PARD3: variants seen among roughly 807,000 people sequenced by gnomAD.
The protein encoded by PARD3 is partitioning defective 3 homolog.
PARD3 carries 75 observed loss-of-function variants against 155.4 expected under a neutral mutation model. The observed-to-expected ratio is 0.48, with a 90% CI of 0.40 to 0.58. The LOEUF (loss-of-function observed/expected upper bound fraction) is 0.58. PARD3 is among the 20% of genes least tolerant of loss of function. The pLI, the probability that PARD3 is intolerant of heterozygous loss-of-function variation, is 0.00. For synonymous variants in PARD3, 576 were observed against 610.5 expected, an observed-to-expected ratio of 0.94 and a Z score of 0.83; for missense variants, 1,642 against 1,721.7, an observed-to-expected ratio of 0.95 and a Z score of 0.82.
intron 2 of PARD3, among the ~76,000 whole-genome samples, chr10:34,608,953 C>T (rs770766002): frequency 1.3e-5 from 2 of 152,114 alleles, no homozygotes; most frequent in African/African-American, 2.4e-5. Context: ...ATAGGTGATA[C>T]GCAAATACTG....
chr10:34,484,256 G>T (rs970064422), intron 3 of PARD3, among the ~76,000 whole-genome samples: 2 of 152,198 alleles, frequency 1.3e-5, no homozygotes, highest in African/African-American at 4.8e-5. Flanking sequence ...GAGCACAAAG[G>T]TGCCCCGAGT....
intron 3 of PARD3, among the ~76,000 whole-genome samples, chr10:34,479,335 G>GT (rs1705678407): frequency 1.3e-5 from 2 of 151,684 alleles, no homozygotes; most frequent in Non-Finnish European, 2.9e-5. Flanking sequence ...CTAATTTTTT[G>GT]TATTTTTAGT....
chr10:34,228,921 A>G (rs558159535), intron 22 of PARD3, among the ~76,000 whole-genome samples: 1 of 152,076 alleles, frequency 6.6e-6, no homozygotes, highest in African/African-American at 2.4e-5. Context: ...TTATTCCTGT[A>G]GTCACCACAC....
chr10:34,181,532 C>T (rs1321574667), intron 22 of PARD3, among the ~76,000 whole-genome samples: 1 of 152,162 alleles, frequency 6.6e-6, no homozygotes, highest in African/African-American at 2.4e-5. Context: ...TTTCAAAAGG[C>T]AGATACAACC....
At chr10:34,503,483 T>G (rs1341403439) in intron 3 of PARD3, among the ~76,000 whole-genome samples, 4 of 152,206 alleles carry the variant, frequency 2.6e-5, no homozygotes, top group Admixed American at 6.5e-5. Context: ...CTATAATCCT[T>G]CCATATATAA....
intron 19 of PARD3, among the ~76,000 whole-genome samples, chr10:34,328,444 C>T (rs1835273844): frequency 6.6e-6 from 1 of 152,174 alleles, no homozygotes; most frequent in African/African-American, 2.4e-5. Flanking sequence ...TCTAAACCAT[C>T]TAAGCCAGAA....
intron 22 of PARD3, among the ~76,000 whole-genome samples, chr10:34,149,669 C>T (rs1759403119): frequency 6.6e-6 from 1 of 152,130 alleles, no homozygotes; most frequent in African/African-American, 2.4e-5. Flanking sequence ...TAAGAAAATT[C>T]ATGAATCTCA....
intron 22 of PARD3, among the ~76,000 whole-genome samples, chr10:34,180,537 A>G (rs1411298029): frequency 6.6e-6 from 1 of 152,182 alleles, no homozygotes; most frequent in South Asian, 2.1e-4. Flanking sequence ...ATAACTTGAG[A>G]AGAACATAAA....
At chr10:34,564,565 C>G (rs1564848428) in intron 2 of PARD3, among the ~76,000 whole-genome samples, 1 of 152,164 alleles carries the variant, frequency 6.6e-6, no homozygotes, top group Non-Finnish European at 1.5e-5. Flanking sequence ...GCTGCTGTAG[C>G]CTCTGTGATT....
chr10:34,600,962 ATTTTTTTT>A (rs1028271994), intron 2 of PARD3, among the ~76,000 whole-genome samples: 31 of 90,098 alleles, frequency 3.4e-4, no homozygotes, highest in African/African-American at 1.1e-3. Context: ...CATTTTTTTA[ATTTTTTTT>A]TTTTTTTTTT....
At chr10:34,729,305 C>T (rs912011085) in intron 1 of PARD3, among the ~76,000 whole-genome samples, 4 of 151,740 alleles carry the variant, frequency 2.6e-5, no homozygotes, top group East Asian at 1.9e-4. Context: ...TTGAGGTGGG[C>T]GGATCACTTG....
chr10:34,727,570 ATT>A (rs5784427), intron 1 of PARD3, among the ~76,000 whole-genome samples: 10 of 151,030 alleles, frequency 6.6e-5, no homozygotes, highest in Non-Finnish European at 8.8e-5. Flanking sequence ...TGCTATGTTT[ATT>A]TTTTTTTTGA....
intron 2 of PARD3, among the ~76,000 whole-genome samples, chr10:34,568,393 T>C (rs1461502244): frequency 1.3e-5 from 2 of 152,212 alleles, no homozygotes; most frequent in Non-Finnish European, 2.9e-5. Flanking sequence ...AATACTTCTG[T>C]TTTGAATCAA....
chr10:34,494,170 G>A (rs976614308), intron 3 of PARD3, among the ~76,000 whole-genome samples: 7 of 152,106 alleles, frequency 4.6e-5, no homozygotes, highest in Non-Finnish European at 8.8e-5. Flanking sequence ...TATGGAATCC[G>A]GAAACACCTA....
chr10:34,643,963 G>T (rs531174153), intron 2 of PARD3, among the ~76,000 whole-genome samples: 1 of 152,130 alleles, frequency 6.6e-6, no homozygotes, highest in Non-Finnish European at 1.5e-5. Flanking sequence ...ACACAAGAGT[G>T]GAAGACTCCA....
Position 34,812,689 on chromosome 10 carries a change from C to T in PARD3, c.120+2187G>A, listed in dbSNP as rs191877614. Among the ~76,000 whole-genome samples the T allele has an allele frequency of 3.7e-4, 56 of 152,224 alleles. 1 individual carries two copies. Among genetic ancestry groups the T allele is most frequent in the Admixed American group, 8.5e-4 (13 of 15,274 alleles). ...ACTGCAAAGCCCCCGTTAAAATTCACCTACAGAACTCTAAGTTGTACTTAA... is the reference window on the plus strand; with the variant it reads ...ACTGCAAAGCCCCCGTTAAAATTCATCTACAGAACTCTAAGTTGTACTTAA... On this transcript the variant is annotated intron_variant, in intron 1 of 24. Transcript: ENST00000374788.
intron 22 of PARD3, among the ~76,000 whole-genome samples, chr10:34,227,879 TATATACTGGGA>T (rs1952698454): frequency 7.3e-6 from 1 of 137,772 alleles, no homozygotes; most frequent in African/African-American, 2.7e-5. Context: ...TATATATATA[TATATACTGGGA>T]ATATATATGT....
intron 20 of PARD3, among the ~76,000 whole-genome samples, chr10:34,304,803 C>T (rs1957323443): frequency 6.6e-6 from 1 of 152,162 alleles, no homozygotes; most frequent in African/African-American, 2.4e-5. Context: ...CTGCAGTGTC[C>T]ACCAGTATCA....
At chr10:34,773,356 C>A (rs1024437351) in intron 1 of PARD3, among the ~76,000 whole-genome samples, 1 of 152,132 alleles carries the variant, frequency 6.6e-6, no homozygotes, top group Non-Finnish European at 1.5e-5. Context: ...TAATGAATAA[C>A]CGTGGCTGAC....
Sources: gnomAD v4.1 joint callset for allele counts (sites outside exome capture counted in the v4.1 genomes callset) on GRCh38, gnomAD v4.1.1 for gene constraint, MANE v1.5 for transcripts, NCBI Gene and HGNC (gene_info 2026-07-23, HGNC 2026-07-21) for gene names.